The following MEGF10 variants were observed in gnomAD, a reference collection of about 807,000 sequenced individuals.
MEGF10 encodes multiple epidermal growth factor-like domains protein 10.
A neutral mutation model predicts 147.5 loss-of-function variants in MEGF10; 86 were observed. That is an observed-to-expected ratio of 0.58 (90% CI 0.49 to 0.70). The LOEUF is 0.70. Ranked by LOEUF, MEGF10 falls within the 30% of genes least tolerant of loss-of-function variation. MEGF10 has a pLI of 0.00. For missense variants in MEGF10, 1,329 were observed against 1,487.3 expected (o/e 0.89, Z 1.75); for synonymous variants, 478 against 525.5 (o/e 0.91, Z 1.24).
chr5:127,247,312 A>AAGAGAG, the MEGF10 span, among the ~76,000 whole-genome samples: 5 of 70,436 alleles, frequency 7.1e-5, no homozygotes, highest in Non-Finnish European at 8.8e-5. Context: ...GAGCGAGAGA[A>AAGAGAG]AGAGAGAGAA....
chr5:127,434,639 A>G, intron 14 of MEGF10, 48 bp from the exon 15 acceptor site: 1 of 1,551,648 alleles, frequency 6.4e-7, no homozygotes, highest in Non-Finnish European at 8.7e-7. Flanking sequence ...GGAATGCGAG[A>G]CAAACGCATC....
the MEGF10 span, among the ~76,000 whole-genome samples, chr5:127,230,258 C>T: frequency 6.6e-6 from 1 of 152,090 alleles, no homozygotes; most frequent in Non-Finnish European, 1.5e-5. Flanking sequence ...TTTCCCCTTC[C>T]TAGCCCCATT....
intron 23 of MEGF10, 65 bp downstream of exon 23, chr5:127,454,675 A>G (rs1561657591): frequency 2.1e-6 from 3 of 1,418,806 alleles, no homozygotes; most frequent in Non-Finnish European, 2.9e-6. Flanking sequence ...TCAAAGACTG[A>G]AATAGTTTTT....
intron 2 of MEGF10, among the ~76,000 whole-genome samples, chr5:127,335,861 GT>G (rs921860229): frequency 4.0e-5 from 6 of 151,462 alleles, no homozygotes; most frequent in African/African-American, 1.5e-4. Flanking sequence ...TTAAAAATGT[GT>G]TTTCCAAATT....
chr5:127,385,572 C>T (rs191667670), intron 5 of MEGF10, among the ~76,000 whole-genome samples: 103 of 152,242 alleles, frequency 6.8e-4, no homozygotes, highest in Admixed American at 7.8e-4. Context: ...TGTGCCGGGC[C>T]GACATTTATA....
chr5:127,342,073 A>G (rs962794339), intron 4 of MEGF10, among the ~76,000 whole-genome samples: 2 of 152,230 alleles, frequency 1.3e-5, no homozygotes, highest in African/African-American at 2.4e-5. Context: ...TCCTTTCACT[A>G]ATTTTTTCTT....
At chr5:127,351,267 A>G (rs1441495239) in intron 4 of MEGF10, among the ~76,000 whole-genome samples, 2 of 152,196 alleles carry the variant, frequency 1.3e-5, no homozygotes, top group Non-Finnish European at 2.9e-5. Flanking sequence ...TAAATCATTC[A>G]TAGTCCTGCC....
chr5:127,366,150 T>A (rs772779803), intron 4 of MEGF10, among the ~76,000 whole-genome samples: 90 of 152,126 alleles, frequency 5.9e-4, no homozygotes, highest in Non-Finnish European at 7.6e-4. Context: ...GCTCAGCTAA[T>A]CTCTTGGTGG....
chr5:127,357,768 T>C (rs1762331691), intron 4 of MEGF10, among the ~76,000 whole-genome samples: 1 of 152,086 alleles, frequency 6.6e-6, no homozygotes, highest in African/African-American at 2.4e-5. Context: ...TTAGGGCCCA[T>C]ACAATTTTAT....
At chr5:127,301,310 A>G (rs1405698746) in intron 1 of MEGF10, among the ~76,000 whole-genome samples, 1 of 152,198 alleles carries the variant, frequency 6.6e-6, no homozygotes, top group African/African-American at 2.4e-5. Flanking sequence ...AAAGTGAGCC[A>G]TGAGTCATTG....
chr5:127,306,435 C>T (rs1337531452), intron 1 of MEGF10, among the ~76,000 whole-genome samples: 1 of 152,192 alleles, frequency 6.6e-6, no homozygotes, highest in Non-Finnish European at 1.5e-5. Flanking sequence ...CAAGCAACTT[C>T]CCAATCTGTG....
the MEGF10 span, among the ~76,000 whole-genome samples, chr5:127,283,403 G>T: frequency 1.8e-4 from 28 of 152,216 alleles, no homozygotes; most frequent in East Asian, 5.4e-3. Context: ...CTCTGGTCTT[G>T]GTATATGGAA....
At chr5:127,265,387 C>T in the MEGF10 span, among the ~76,000 whole-genome samples, 7 of 152,096 alleles carry the variant, frequency 4.6e-5, no homozygotes, top group African/African-American at 1.7e-4. Flanking sequence ...CATAGGTGTG[C>T]CTGTGTCTTT....
Position 127,296,820 on chromosome 5 carries a change from A to C in MEGF10, c.-19+5764A>C, listed in dbSNP as rs181744352. On this transcript the variant is annotated intron_variant, in intron 1 of 24. Coordinates refer to ENST00000503335, the MANE Select transcript of MEGF10 (RefSeq NM_001256545.2). ...AGAAGACTAATCCTACAATCAAAAC[A>C]AAAAAATTTAAATATCCACCCCTAT... Among the ~76,000 whole-genome samples the C allele has an allele frequency of 2.0e-5, 3 of 152,334 alleles. No homozygotes were observed. The East Asian group carries it at 5.8e-4, about 29-fold the overall frequency.
chr5:127,322,066 C>T (rs974669337), intron 1 of MEGF10, among the ~76,000 whole-genome samples: 10 of 116,324 alleles, frequency 8.6e-5, no homozygotes, highest in African/African-American at 2.9e-4. Context: ...CTTCAATTAG[C>T]GCTTTTGCAA....
the MEGF10 span, among the ~76,000 whole-genome samples, chr5:127,245,345 C>G: frequency 6.6e-6 from 1 of 152,074 alleles, no homozygotes; most frequent in Non-Finnish European, 1.5e-5. Flanking sequence ...TGACAAAACA[C>G]AAGGAATGGG....
the MEGF10 span, among the ~76,000 whole-genome samples, chr5:127,271,219 C>T: frequency 6.6e-6 from 1 of 152,150 alleles, no homozygotes; most frequent in Non-Finnish European, 1.5e-5. Flanking sequence ...ACCTCACCAG[C>T]ACTTGTTTCT....
intron 1 of MEGF10, among the ~76,000 whole-genome samples, chr5:127,305,870 T>C (rs1173481233): frequency 6.6e-6 from 1 of 152,224 alleles, no homozygotes; most frequent in African/African-American, 2.4e-5. Flanking sequence ...TCATCTTTGG[T>C]TGAAGATATT....
At position 127,447,811 on chromosome 5, in the gene MEGF10, C is replaced by T. The variant is rs1215570751; in HGVS notation, c.2856+127C>T. 5 of 1,187,892 alleles carry T rather than the reference C, an allele frequency of 4.2e-6. No individual in the cohort carries two copies. The African/African-American group carries it at 6.2e-5, about 15-fold the overall frequency. The allele number at this position is 1,187,892 out of a possible 1,614,324, so 73.6% of individuals were successfully genotyped here. ...TTTACATATATTATCTAATTTATTC[C>T]TCTAAACAGTCCTCTGAGTGTGCTT... On this transcript the variant is annotated intron_variant, in intron 21 of 24. Transcript: ENST00000503335.
Sources: gnomAD v4.1 joint callset for allele counts (sites outside exome capture counted in the v4.1 genomes callset) on GRCh38, gnomAD v4.1.1 for gene constraint, MANE v1.5 for transcripts, NCBI Gene and HGNC (gene_info 2026-07-23, HGNC 2026-07-21) for gene names.